The following KCNQ1 variants were observed in gnomAD, a reference collection of about 807,000 sequenced individuals.
KCNQ1 encodes the protein potassium voltage-gated channel subfamily KQT member 1.
A neutral mutation model predicts 72.4 loss-of-function variants in KCNQ1; 49 were observed. That is an observed-to-expected ratio of 0.68 (90% CI 0.54 to 0.86). The LOEUF is 0.86. Ranked by LOEUF, KCNQ1 falls within the 40% of genes least tolerant of loss-of-function variation. The pLI, the probability that KCNQ1 is intolerant of heterozygous loss-of-function variation, is 0.00. For synonymous variants in KCNQ1, 450 were observed against 412.6 expected, an observed-to-expected ratio of 1.09 and a Z score of -1.10; for missense variants, 790 against 945.1, an observed-to-expected ratio of 0.84 and a Z score of 2.15.
Position 2,826,684 on chromosome 11 carries a change from G to A in KCNQ1, c.1795-21083G>A, listed in dbSNP as rs1847848289. On this transcript the variant is annotated intron_variant, in intron 15 of 15. Transcript: ENST00000155840. The surrounding 1 kb of genome is among the most constrained non-coding windows in gnomAD (Gnocchi z 4.2). ...CAGAGGGAGAACAGAGAGGGGTGCA[G>A]AGGGCCAGAGAGGCACGGGGCTCCC... Among the ~76,000 whole-genome samples, 1 of 152,252 alleles carries A rather than the reference G, an allele frequency of 6.6e-6. No individual in the cohort carries two copies. The highest frequency in any genetic ancestry group is 1.5e-5 in the Non-Finnish European group (1 of 68,044).
chr11:2,459,647 G>T (rs1162820305), intron 1 of KCNQ1, among the ~76,000 whole-genome samples: 1 of 152,094 alleles, frequency 6.6e-6, no homozygotes, highest in Non-Finnish European at 1.5e-5. Context: ...GGCGGCCCTG[G>T]GGGTGAACGG....
At position 2,748,407 on chromosome 11, in the gene KCNQ1, T is replaced by C. The variant is rs1471766544; in HGVS notation, c.1515-20437T>C. On this transcript the variant is annotated intron_variant, in intron 11 of 15. Transcript: ENST00000155840. This position sits in a 1 kb window ranked among gnomAD's most constrained non-coding sequence, Gnocchi z 6.2. ...GTTGGGTAGATGTGGTGAGGTGTGC[T>C]GGTGGGGAGGGTCCCTATCAGATGC... 6.6e-6 allele frequency among the ~76,000 whole-genome samples: 1 copy of C among 152,150 alleles called. No homozygotes were observed. Among genetic ancestry groups the C allele is most frequent in the Non-Finnish European group, 1.5e-5 (1 of 68,014 alleles).
chr11:2,502,490 A>C (rs896756783), intron 1 of KCNQ1, among the ~76,000 whole-genome samples: 1 of 152,216 alleles, frequency 6.6e-6, no homozygotes, highest in African/African-American at 2.4e-5. Context: ...AAGAAGTGAG[A>C]GATCTCTACA....
chr11:2,574,690 TC>T (rs1848394163), intron 6 of KCNQ1, among the ~76,000 whole-genome samples: 1 of 151,980 alleles, frequency 6.6e-6, no homozygotes, highest in Non-Finnish European at 1.5e-5. Context: ...AACCGCCGCT[TC>T]CCCCATGAGG....
At chr11:2,476,981 A>G (rs1846578275) in intron 1 of KCNQ1, among the ~76,000 whole-genome samples, 1 of 152,238 alleles carries the variant, frequency 6.6e-6, no homozygotes, top group South Asian at 2.1e-4. Flanking sequence ...GAGCCACTGC[A>G]CCCAGCCCAG....
intron 1 of KCNQ1, among the ~76,000 whole-genome samples, chr11:2,518,827 G>A (rs963327310): frequency 2.0e-5 from 3 of 152,206 alleles, no homozygotes; most frequent in Non-Finnish European, 4.4e-5. Context: ...ACAAGCCACA[G>A]GTAAAGAGTA....
At position 2,562,159 on chromosome 11, in the gene KCNQ1, G is replaced by A. The variant is rs532881723; in HGVS notation, c.478-8469G>A. Among the ~76,000 whole-genome samples, 8 of 149,286 alleles carry A rather than the reference G, an allele frequency of 5.4e-5. No homozygotes were observed. In the East Asian group the frequency reaches 1.2e-3, roughly 23 times the overall value. On this transcript the variant is annotated intron_variant, in intron 2 of 15. Coordinates refer to ENST00000155840, the MANE Select transcript of KCNQ1 (RefSeq NM_000218.3). This position sits in a 1 kb window ranked among gnomAD's most constrained non-coding sequence, Gnocchi z 7.5. ...TGGGCCTGGCCGGCTGCACTGTGGC[G>A]CCTGCCCCAGGCCAGGCTACCTTGG... is the stretch of plus-strand genomic sequence containing the variant.
At chr11:2,716,156 A>T (rs1039278318) in intron 11 of KCNQ1, among the ~76,000 whole-genome samples, 1 of 152,096 alleles carries the variant, frequency 6.6e-6, no homozygotes, top group Non-Finnish European at 1.5e-5. Flanking sequence ...GGCTGTTTGT[A>T]TCACTTAACA....
At position 2,447,695 on chromosome 11, in the gene KCNQ1, C is replaced by T. The variant is rs189985592; in HGVS notation, c.386+2211C>T. On this transcript the variant is annotated intron_variant, in intron 1 of 15. Coordinates refer to ENST00000155840, the MANE Select transcript of KCNQ1 (RefSeq NM_000218.3). This position sits in a 1 kb window ranked among gnomAD's most constrained non-coding sequence, Gnocchi z 7.6. ...CTGTAAGAAGTCTTGGCAATGGTGG[C>T]GGAGACAGGGCCCTGTCCTTAGGTG... Among the ~76,000 whole-genome samples the T allele has an allele frequency of 7.9e-4, 120 of 152,240 alleles. No individual in the cohort carries two copies. The highest frequency in any genetic ancestry group is 2.7e-3 in the African/African-American group (113 of 41,554).
At position 2,800,720 on chromosome 11, in the gene KCNQ1, G is replaced by T. The variant is rs922730027; in HGVS notation, c.1794+22683G>T. On this transcript the variant is annotated intron_variant, in intron 15 of 15. Transcript: ENST00000155840. ...CCACACATAGCCTCTCTGTGACTCA[G>T]TTTCTTCAACCCTAAAATGGGGACA... is the stretch of plus-strand genomic sequence containing the variant. 1.2e-4 allele frequency among the ~76,000 whole-genome samples: 19 copies of T among 152,312 alleles called. No individual in the cohort carries two copies. In the East Asian group the frequency reaches 2.3e-3, roughly 19 times the overall value.
chr11:2,789,446 A>G (rs562369086), intron 15 of KCNQ1, among the ~76,000 whole-genome samples: 40 of 152,338 alleles, frequency 2.6e-4, no homozygotes, highest in African/African-American at 9.1e-4. Context: ...AGCGTGGTAT[A>G]TACTGAGACA....
rs552402524 is a variant in KCNQ1, at chr11:2,698,587, G to A, written c.1514+36506G>A. 2.0e-5 allele frequency: 8 copies of A among 397,910 alleles called. No individual in the cohort carries two copies. The East Asian group carries it at 2.1e-4, about 11-fold the overall frequency. 24.6% of individuals were successfully genotyped at this position (397,910 alleles called of 1,614,324 possible). The stretch of plus-strand genomic sequence containing the variant: ...TCCTGACTCAGAATCCCCACCTAGA[G>A]GCAGAACTTCGACTTCAATTCCTGA... On this transcript the variant is annotated intron_variant, in intron 11 of 15. Transcript: ENST00000155840. This position sits in a 1 kb window ranked among gnomAD's most constrained non-coding sequence, Gnocchi z 5.1.
intron 15 of KCNQ1, among the ~76,000 whole-genome samples, chr11:2,799,014 G>A (rs2134021696): frequency 6.6e-6 from 1 of 152,332 alleles, no homozygotes; most frequent in Middle Eastern, 3.4e-3. Context: ...CAGGTGGTCA[G>A]GCGGCACTTA....
In KCNQ1 at chr11:2,785,786, A is replaced by C. The variant is rs1026023811; in HGVS notation, c.1794+7749A>C. ...CTACTTTTCTCTCTACTGGTTTTGA[A>C]GTTATGTATTCTACTACCATCCTTG... On this transcript the variant is annotated intron_variant, in intron 15 of 15. Coordinates refer to ENST00000155840, the MANE Select transcript of KCNQ1 (RefSeq NM_000218.3). This position sits in a 1 kb window ranked among gnomAD's most constrained non-coding sequence, Gnocchi z 4.4. 1.3e-5 allele frequency among the ~76,000 whole-genome samples: 2 copies of C among 151,890 alleles called. No homozygotes were observed. Among genetic ancestry groups the C allele is most frequent in the African/African-American group, 4.8e-5 (2 of 41,392 alleles).
At position 2,673,150 on chromosome 11, in the gene KCNQ1, A is replaced by T. The variant is rs867001109; in HGVS notation, c.1514+11069A>T. 2.0e-5 allele frequency: 8 copies of T among 398,526 alleles called. No individual in the cohort carries two copies. The highest frequency in any genetic ancestry group is 3.5e-5 in the Non-Finnish European group (8 of 226,146). 24.7% of individuals were successfully genotyped at this position (398,526 alleles called of 1,614,324 possible). On this transcript the variant is annotated intron_variant, in intron 11 of 15. Coordinates refer to ENST00000155840, the MANE Select transcript of KCNQ1 (RefSeq NM_000218.3). The surrounding 1 kb of genome is among the most constrained non-coding windows in gnomAD (Gnocchi z 4.5). ...AGGGCAGGGGTGCTGACCATCCCTG[A>T]CCCAAGCACGAGGATCAGAATGGGC...
chr11:2,588,971 T>A lies in KCNQ1; in HGVS notation c.1393+117T>A, dbSNP rs1486273971. On this transcript the variant is annotated intron_variant, in intron 10 of 15. Transcript: ENST00000155840. This position sits in a 1 kb window ranked among gnomAD's most constrained non-coding sequence, Gnocchi z 5.6. The stretch of plus-strand genomic sequence containing the variant: ...GGCTGTGGTCTCTGACAACGAGGTA[T>A]GAACAGACAGAGGGTGGAGCTTCTA... The A allele has an allele frequency of 6.5e-6, 8 of 1,231,962 alleles. No individual in the cohort carries two copies. The highest frequency in any genetic ancestry group is 2.0e-5 in the Admixed American group (1 of 50,532). The allele number at this position is 1,231,962 out of a possible 1,614,324, so 76.3% of individuals were successfully genotyped here. A position where few individuals can be genotyped will look rare whatever the true frequency, so the allele number is the denominator to read the frequency against.
In KCNQ1 at chr11:2,827,345, G is replaced by T. The variant is rs1306910668; in HGVS notation, c.1795-20422G>T. Among the ~76,000 whole-genome samples the T allele has an allele frequency of 6.6e-6, 1 of 152,116 alleles. No individual in the cohort carries two copies. Among genetic ancestry groups the T allele is most frequent in the Non-Finnish European group, 1.5e-5 (1 of 68,020 alleles). ...GGCCCCAGACCTCCTCTCTCTGCTT[G>T]CTTTCCTGTCCACAATCCAGTGCTT... On this transcript the variant is annotated intron_variant, in intron 15 of 15. Coordinates refer to ENST00000155840, the MANE Select transcript of KCNQ1 (RefSeq NM_000218.3). The surrounding 1 kb of genome is among the most constrained non-coding windows in gnomAD (Gnocchi z 6.7).
rs2133808536 is a variant in KCNQ1 at position 2,624,793 on chromosome 11, T to G, written c.1393+35939T>G. 1 of 398,588 alleles carries G rather than the reference T, an allele frequency of 2.5e-6. No individual in the cohort carries two copies. The highest frequency in any genetic ancestry group is 4.4e-5 in the Admixed American group (1 of 22,730). The allele number at this position is 398,588 out of a possible 1,614,324, so 24.7% of individuals were successfully genotyped here. A position where few individuals can be genotyped will look rare whatever the true frequency, so the allele number is the denominator to read the frequency against. ...AACCACCTTGTACTTTCTATGTCTC[T>G]GATTTGACTATTCTACATACCTCAT... On this transcript the variant is annotated intron_variant, in intron 10 of 15. Coordinates refer to ENST00000155840, the MANE Select transcript of KCNQ1 (RefSeq NM_000218.3). This position sits in a 1 kb window ranked among gnomAD's most constrained non-coding sequence, Gnocchi z 4.9.
At chr11:2,839,788 A>T (rs767155674) in intron 15 of KCNQ1, 6 of 152,144 alleles carry the variant, frequency 3.9e-5, no homozygotes, top group Non-Finnish European at 7.4e-5. Flanking sequence ...GACAGACAAG[A>T]GGGGAGGTTA....
Sources: gnomAD v4.1 joint callset for allele counts (sites outside exome capture counted in the v4.1 genomes callset) on GRCh38, gnomAD v4.1.1 for gene constraint, Gnocchi (gnomAD v3.1) non-coding constraint, MANE v1.5 for transcripts, NCBI Gene and HGNC (gene_info 2026-07-23, HGNC 2026-07-21) for gene names.